Variants in SORL1 observed in about 807,000 individuals in gnomAD.
The protein encoded by SORL1 is sortilin related receptor 1.
A neutral mutation model predicts 273.7 loss-of-function variants in SORL1; 127 were observed. The observed-to-expected ratio is 0.46, with a 90% CI of 0.40 to 0.54. The LOEUF is 0.54. Among genes scored for constraint, SORL1 ranks in the 20% least tolerant of loss-of-function variants. The pLI, the probability that SORL1 is intolerant of heterozygous loss-of-function variation, is 0.00. For missense variants in SORL1, 2,494 were observed against 2,846.1 expected, an observed-to-expected ratio of 0.88 and a Z score of 2.81; for synonymous variants, 1,031 against 1,067.4, an observed-to-expected ratio of 0.97 and a Z score of 0.66.
intron 45 of SORL1, among the ~76,000 whole-genome samples, chr11:121,623,426 C>T (rs1863751427): frequency 6.6e-6 from 1 of 152,198 alleles, no homozygotes; most frequent in South Asian, 2.1e-4. Context: ...TAGGATTTTA[C>T]TCTAAAGCAG....
Position 121,496,948 on chromosome 11 carries a change from A to C in SORL1, c.838A>C (p.Ser280Arg). The C allele has an allele frequency of 1.2e-6, 2 of 1,614,116 alleles. No individual in the cohort carries two copies. Among genetic ancestry groups the C allele is most frequent in the Non-Finnish European group, 1.7e-6 (2 of 1,180,008 alleles). ...EPSGYSTVFRSTDFFQSRENQ... is the reference protein window; with the variant it reads ...EPSGYSTVFRRTDFFQSRENQ... Reference sequence around the variant, plus strand: ...CTCTGGCTACTCCACTGTCTTCCGAAGTACAGATTTCTTCCAGTCCCGGGA... The same window carrying C: ...CTCTGGCTACTCCACTGTCTTCCGACGTACAGATTTCTTCCAGTCCCGGGA... The change falls in exon 6 of 48, where the codon AGT becomes CGT. Residue 280 changes from serine to arginine, a missense_variant. Transcript: ENST00000260197.
At chr11:121,530,501 C>A (rs1862187537) in intron 11 of SORL1, among the ~76,000 whole-genome samples, 1 of 152,166 alleles carries the variant, frequency 6.6e-6, no homozygotes, top group Non-Finnish European at 1.5e-5. Context: ...TGATGAGAAA[C>A]CTCTCTTCAC....
chr11:121,460,880 G>A (rs1453388094), intron 1 of SORL1, among the ~76,000 whole-genome samples: 1 of 152,070 alleles, frequency 6.6e-6, no homozygotes, highest in African/African-American at 2.4e-5. Context: ...AGATAGTTAA[G>A]GACCCCATTT....
At chr11:121,565,288 T>C (rs1862738984) in intron 21 of SORL1, among the ~76,000 whole-genome samples, 1 of 152,268 alleles carries the variant, frequency 6.6e-6, no homozygotes, top group African/African-American at 2.4e-5. Flanking sequence ...TCCCTTCCTC[T>C]GGATGTGTGT....
At chr11:121,567,155 T>C (rs1171540936) in intron 22 of SORL1, 42 bp downstream of exon 22, 1 of 1,541,460 alleles carries the variant, frequency 6.5e-7, no homozygotes, top group Admixed American at 1.7e-5. Context: ...CTCCTTCCTT[T>C]GTTTCCTGCT....
intron 21 of SORL1, 140 bp from the exon 22 acceptor site, chr11:121,566,800 A>G (rs1862760589): frequency 1.3e-6 from 1 of 766,144 alleles, no homozygotes. Context: ...TAGGCGCCCC[A>G]AAGCTTGCCA....
chr11:121,500,506 C>T (rs1177216795), intron 6 of SORL1, among the ~76,000 whole-genome samples: 1 of 152,216 alleles, frequency 6.6e-6, no homozygotes, highest in Admixed American at 6.5e-5. Flanking sequence ...GGGACACAGC[C>T]ATGCTCATTG....
At chr11:121,540,699 T>C (rs1239459580) in intron 12 of SORL1, among the ~76,000 whole-genome samples, 1 of 152,158 alleles carries the variant, frequency 6.6e-6, no homozygotes, top group Non-Finnish European at 1.5e-5. Context: ...AGAGCACCAT[T>C]TTCTAAATGA....
At chr11:121,612,493 C>A (rs139947178) in intron 39 of SORL1, 2 of 327,922 alleles carry the variant, frequency 6.1e-6, no homozygotes, top group East Asian at 5.8e-5. Flanking sequence ...TTTTTTGTTT[C>A]ATTGAATCTA....
chr11:121,509,174 G>T (rs1386002439), intron 6 of SORL1, among the ~76,000 whole-genome samples: 1 of 136,526 alleles, frequency 7.3e-6, no homozygotes, highest in African/African-American at 2.8e-5. Context: ...CTGAACCTTT[G>T]TTGCTGCTCC....
chr11:121,577,152 C>G, intron 24 of SORL1, 129 bp from the exon 25 acceptor site: 3 of 1,282,816 alleles, frequency 2.3e-6, no homozygotes, highest in Non-Finnish European at 3.3e-6. Context: ...AAAGTCTCTT[C>G]GTTCATGGTC....
chr11:121,535,591 C>T (rs1862256298), intron 12 of SORL1, among the ~76,000 whole-genome samples: 1 of 151,616 alleles, frequency 6.6e-6, no homozygotes, highest in Non-Finnish European at 1.5e-5. Context: ...GGGAGGGAAG[C>T]CAAGTAAAGT....
intron 14 of SORL1, among the ~76,000 whole-genome samples, chr11:121,549,570 T>A (rs1862478521): frequency 6.6e-6 from 1 of 152,186 alleles, no homozygotes; most frequent in South Asian, 2.1e-4. Context: ...AATTCCTCTT[T>A]TACTTCTTCA....
intron 30 of SORL1, 140 bp from the exon 31 acceptor site, chr11:121,590,861 G>T: frequency 1.1e-6 from 1 of 879,858 alleles, no homozygotes; most frequent in East Asian, 2.4e-5. Flanking sequence ...ATTAGCCGCT[G>T]CTCAGAGCTG....
rs759842735 is a variant in SORL1 at position 121,550,169 on chromosome 11, G to C, written c.2180+81G>C. The C allele has an allele frequency of 7.1e-7, 1 of 1,400,224 alleles. No homozygotes were observed. The highest frequency in any genetic ancestry group is 9.6e-7 in the Non-Finnish European group (1 of 1,037,514). The allele number at this position is 1,400,224 out of a possible 1,614,324, so 86.7% of individuals were successfully genotyped here. On this transcript the variant is annotated intron_variant, in intron 15 of 47. Coordinates refer to ENST00000260197, the MANE Select transcript of SORL1 (RefSeq NM_003105.6). This position sits in a 1 kb window ranked among gnomAD's most constrained non-coding sequence, Gnocchi z 5.3. ...GAGAGCATAGAGGACCGTCTGGATT[G>C]CTCTACACTCGAAATTCTAGAATTC...
In SORL1 at chr11:121,570,370, A is replaced by G. The variant is rs1369176318; in HGVS notation, c.3337+100A>G. ...CTAAGGTCTAGGGCGAGGGCCACCC[A>G]TGATTGGTGATGCCCATCTAAGTTG... On this transcript the variant is annotated intron_variant, in intron 23 of 47. Transcript: ENST00000260197. 1.3e-5 allele frequency: 9 copies of G among 714,542 alleles called. No homozygotes were observed. The East Asian group carries it at 2.0e-4, about 16-fold the overall frequency. The allele number at this position is 714,542 out of a possible 1,614,324, so 44.3% of individuals were successfully genotyped here. A position where few individuals can be genotyped will look rare whatever the true frequency, so the allele number is the denominator to read the frequency against.
chr11:121,602,565 G>A (rs2134918863), intron 32 of SORL1, among the ~76,000 whole-genome samples: 1 of 152,222 alleles, frequency 6.6e-6, no homozygotes, highest in East Asian at 1.9e-4. Flanking sequence ...ACATTATCCA[G>A]TTTCTCTACC....
At chr11:121,475,052 T>C (rs1011528488) in intron 2 of SORL1, among the ~76,000 whole-genome samples, 3 of 152,002 alleles carry the variant, frequency 2.0e-5, no homozygotes, top group Non-Finnish European at 2.9e-5. Flanking sequence ...AGCTTAGGAG[T>C]TGGAGACCAG....
chr11:121,585,574 C>T (rs1039964455), intron 26 of SORL1, among the ~76,000 whole-genome samples: 6 of 149,920 alleles, frequency 4.0e-5, no homozygotes, highest in African/African-American at 1.5e-4. Context: ...AGAAAAGATA[C>T]AAAAAGATAT....
Sources: gnomAD v4.1 joint callset for allele counts (sites outside exome capture counted in the v4.1 genomes callset) on GRCh38, gnomAD v4.1.1 for gene constraint, Gnocchi (gnomAD v3.1) non-coding constraint, MANE v1.5 for transcripts, NCBI Gene and HGNC (gene_info 2026-07-23, HGNC 2026-07-21) for gene names.